EGFLAM: variants seen among roughly 807,000 people sequenced by gnomAD.
EGFLAM encodes pikachurin.
In EGFLAM, 79 loss-of-function variants were observed where a neutral mutation model predicts 113.1. The ratio of observed to expected loss-of-function variants is 0.70; its 90% CI spans 0.58 to 0.84. The LOEUF (loss-of-function observed/expected upper bound fraction) is 0.84. Ranked by LOEUF, EGFLAM falls within the 40% of genes least tolerant of loss-of-function variation. EGFLAM has a pLI of 0.00. For synonymous variants in EGFLAM, 504 were observed against 487.6 expected (o/e 1.03, Z -0.44); for missense variants, 1,265 against 1,291.6 (o/e 0.98, Z 0.32).
Position 38,343,460 on chromosome 5 carries a change from G to A in EGFLAM, c.291+4679G>A, listed in dbSNP as rs534666373. Among the ~76,000 whole-genome samples, 5 of 151,566 alleles carry A rather than the reference G, an allele frequency of 3.3e-5. No individual in the cohort carries two copies. In the South Asian group the frequency reaches 8.3e-4, roughly 25 times the overall value. The stretch of plus-strand genomic sequence containing the variant: ...TGGACTAGCAATGGTTCTCAACTGG[G>A]GGTACCTTTGTCCCCTCCTGGGCGT... On this transcript the variant is annotated intron_variant, in intron 3 of 21. Transcript: ENST00000322350.
Position 38,366,745 on chromosome 5 carries a change from T to C in EGFLAM, c.546-3551T>C, listed in dbSNP as rs79977978. On this transcript the variant is annotated intron_variant, in intron 5 of 21. Transcript: ENST00000322350. ...CTCAAAGCTTTTGGGATCATTATTTTATCTTTGAGAATCTAATAAAAGTGA... is the reference window on the plus strand; with the variant it reads ...CTCAAAGCTTTTGGGATCATTATTTCATCTTTGAGAATCTAATAAAAGTGA... Among the ~76,000 whole-genome samples the C allele has an allele frequency of 7.9e-3, 1,201 of 152,340 alleles. 18 individuals carry two copies. The highest frequency in any genetic ancestry group is 0.027 in the African/African-American group (1,119 of 41,582).
intron 1 of EGFLAM, among the ~76,000 whole-genome samples, chr5:38,336,403 C>A (rs540184249): frequency 6.6e-6 from 1 of 152,302 alleles, no homozygotes; most frequent in South Asian, 2.1e-4. Context: ...GAAACCCCGT[C>A]TCTACTAGAA....
At chr5:38,367,989 CAT>C (rs1169826166) in intron 5 of EGFLAM, among the ~76,000 whole-genome samples, 2 of 152,144 alleles carry the variant, frequency 1.3e-5, no homozygotes, top group Non-Finnish European at 2.9e-5. Context: ...AAATGGACAA[CAT>C]GTACAAAATC....
At chr5:38,370,219 G>A in intron 5 of EGFLAM, 77 bp from the exon 6 acceptor site, 2 of 1,471,602 alleles carry the variant, frequency 1.4e-6, no homozygotes, top group Non-Finnish European at 1.9e-6. Context: ...AATGCTATTA[G>A]TTTACATAGC....
In EGFLAM at chr5:38,350,525, C is replaced by A. The variant is rs1433555648; in HGVS notation, c.316C>A (p.Pro106Thr). Residue 106 changes from proline (P) to threonine (T), a missense_variant, in exon 4 of 22, where the codon CCA becomes ACA. Physicochemically the swap from Pro to Thr is conservative, Grantham distance 38 (BLOSUM62 -1). Transcript: ENST00000322350. ...TTEEVIGDLK[P>T]GTEYRVSIAA... ...GGAGGAAGTGATTGGAGATTTGAAACCAGGCACTGAATATCGTGTGAGCAT... is the reference window on the plus strand; with the variant it reads ...GGAGGAAGTGATTGGAGATTTGAAAACAGGCACTGAATATCGTGTGAGCAT... 1 of 1,613,746 alleles carries A rather than the reference C, an allele frequency of 6.2e-7. No individual in the cohort carries two copies. Among genetic ancestry groups the A allele is most frequent in the Non-Finnish European group, 8.5e-7 (1 of 1,179,824 alleles).
chr5:38,369,245 G>C (rs1192156031), intron 5 of EGFLAM, among the ~76,000 whole-genome samples: 1 of 152,176 alleles, frequency 6.6e-6, no homozygotes, highest in Non-Finnish European at 1.5e-5. Flanking sequence ...TTAACCCACT[G>C]TATCCAAAAT....
intron 20 of EGFLAM, among the ~76,000 whole-genome samples, chr5:38,462,329 C>T (rs1261587031): frequency 6.6e-6 from 1 of 152,196 alleles, no homozygotes; most frequent in Non-Finnish European, 1.5e-5. Context: ...CCCTGGGCTT[C>T]ACCTGAAATT....
At chr5:38,270,962 C>T (rs1757752342) in intron 1 of EGFLAM, among the ~76,000 whole-genome samples, 1 of 152,086 alleles carries the variant, frequency 6.6e-6, no homozygotes, top group Non-Finnish European at 1.5e-5. Flanking sequence ...GCTTAGGCAT[C>T]CATGAAAGTG....
At chr5:38,315,797 C>T (rs191869571) in intron 1 of EGFLAM, among the ~76,000 whole-genome samples, 5 of 152,182 alleles carry the variant, frequency 3.3e-5, no homozygotes, top group East Asian at 1.9e-4. Context: ...AAGCACAGGC[C>T]GGGCATGGTG....
intron 1 of EGFLAM, among the ~76,000 whole-genome samples, chr5:38,279,169 TATC>T (rs1329941378): frequency 6.6e-6 from 1 of 152,198 alleles, no homozygotes; most frequent in Non-Finnish European, 1.5e-5. Context: ...TACAATGAGA[TATC>T]ATCTTACCCC....
At chr5:38,381,075 G>A (rs555906708) in intron 6 of EGFLAM, among the ~76,000 whole-genome samples, 1 of 152,212 alleles carries the variant, frequency 6.6e-6, no homozygotes, top group East Asian at 1.9e-4. Context: ...ATATATTGAG[G>A]TGATATCCAC....
chr5:38,408,939 C>T, intron 9 of EGFLAM, 65 bp from the exon 10 acceptor site: 1 of 1,334,888 alleles, frequency 7.5e-7, no homozygotes, highest in Non-Finnish European at 1.1e-6. Context: ...TGTGTCTTTC[C>T]AGGTGGTGCC....
intron 6 of EGFLAM, among the ~76,000 whole-genome samples, chr5:38,392,006 G>C (rs538823164): frequency 6.6e-6 from 1 of 152,110 alleles, no homozygotes; most frequent in South Asian, 2.1e-4. Flanking sequence ...TTGTTACACA[G>C]ATAAACCCAT....
chr5:38,306,926 G>T (rs1758731998), intron 1 of EGFLAM, among the ~76,000 whole-genome samples: 1 of 152,180 alleles, frequency 6.6e-6, no homozygotes, highest in African/African-American at 2.4e-5. Context: ...TCACACAGGA[G>T]AATCAATAAA....
intron 1 of EGFLAM, among the ~76,000 whole-genome samples, chr5:38,264,658 T>C (rs1757588170): frequency 6.6e-6 from 1 of 152,176 alleles, no homozygotes; most frequent in African/African-American, 2.4e-5. Flanking sequence ...CCAAGCCCTC[T>C]TCCCAAAGCA....
intron 6 of EGFLAM, among the ~76,000 whole-genome samples, chr5:38,403,063 A>G (rs541607338): frequency 1.7e-4 from 26 of 152,160 alleles, no homozygotes; most frequent in Non-Finnish European, 3.8e-4. Flanking sequence ...TACCAAATGG[A>G]TTTCTTCTTC....
intron 1 of EGFLAM, among the ~76,000 whole-genome samples, chr5:38,295,553 A>G (rs953483100): frequency 6.6e-6 from 1 of 152,210 alleles, no homozygotes; most frequent in Non-Finnish European, 1.5e-5. Flanking sequence ...ATTTTACTAC[A>G]TGGGAAAGTC....
intron 6 of EGFLAM, among the ~76,000 whole-genome samples, chr5:38,381,621 T>G (rs1011918170): frequency 1.3e-5 from 2 of 152,138 alleles, no homozygotes; most frequent in Non-Finnish European, 2.9e-5. Context: ...AGTATCCAGA[T>G]GGAAAGGGAG....
At chr5:38,382,851 C>T (rs1391736329) in intron 6 of EGFLAM, among the ~76,000 whole-genome samples, 4 of 152,182 alleles carry the variant, frequency 2.6e-5, no homozygotes, top group Non-Finnish European at 5.9e-5. Context: ...TGCTTTTGAA[C>T]TCTAATCCCA....
Sources: gnomAD v4.1 joint callset for allele counts (sites outside exome capture counted in the v4.1 genomes callset) on GRCh38, gnomAD v4.1.1 for gene constraint, MANE v1.5 for transcripts, NCBI Gene and HGNC (gene_info 2026-07-23, HGNC 2026-07-21) for gene names.